CNTNAP4: variants seen among roughly 807,000 people sequenced by gnomAD.
CNTNAP4 encodes contactin associated protein family member 4.
A neutral mutation model predicts 148.4 loss-of-function variants in CNTNAP4; 98 were observed. That is an observed-to-expected ratio of 0.66 (90% confidence interval 0.56 to 0.78). The LOEUF (loss-of-function observed/expected upper bound fraction) is 0.78. Among genes scored for constraint, CNTNAP4 ranks in the 30% least tolerant of loss-of-function variants. The probability of loss-of-function intolerance (pLI) is 0.00; values close to 1 mark genes in which losing one functional copy is unlikely to be tolerated. For synonymous variants in CNTNAP4, 730 were observed against 565.1 expected (o/e 1.29, Z -4.14); for missense variants, 1,935 against 1,565.6 (o/e 1.24, Z -3.98).
intron 3 of CNTNAP4, among the ~76,000 whole-genome samples, chr16:76,379,010 G>C (rs12596399): frequency 6.6e-6 from 1 of 152,018 alleles, no homozygotes; most frequent in Non-Finnish European, 1.5e-5. Flanking sequence ...CTCAAAATGT[G>C]ATTGAGACTC....
chr16:76,448,681 G>A (rs1410852763), intron 5 of CNTNAP4, 86 bp from the exon 6 acceptor site: 2 of 970,804 alleles, frequency 2.1e-6, no homozygotes, highest in Non-Finnish European at 3.0e-6. Context: ...CAATTATTAT[G>A]AAAGATGGTG....
chr16:76,460,778 A>AAAAAAAAAAAC (rs2080928647), intron 8 of CNTNAP4, among the ~76,000 whole-genome samples: 1 of 77,246 alleles, frequency 1.3e-5, no homozygotes, highest in Non-Finnish European at 2.7e-5. Flanking sequence ...AAAAAAATAT[A>AAAAAAAAAAAC]TATATATATA....
chr16:76,462,668 C>T (rs2081021589), intron 9 of CNTNAP4, among the ~76,000 whole-genome samples: 1 of 152,150 alleles, frequency 6.6e-6, no homozygotes, highest in East Asian at 1.9e-4. Context: ...ATGAAGCATC[C>T]ACCCGCCCAG....
chr16:76,397,416 A>G (rs1335631929), intron 3 of CNTNAP4, among the ~76,000 whole-genome samples: 1 of 152,020 alleles, frequency 6.6e-6, no homozygotes, highest in African/African-American at 2.4e-5. Flanking sequence ...GGACAAGCAG[A>G]AACAGTAACC....
In CNTNAP4 at chr16:76,558,435, G is replaced by T. The variant is rs147753872; in HGVS notation, c.3734-55G>T. ...GATGACTTATTAAGCAATGAAGTCA[G>T]CACAGTTTCTATTTGGACAGAAATT... On this transcript the variant is annotated intron_variant, in intron 23 of 23. Coordinates refer to ENST00000611870, the MANE Select transcript of CNTNAP4 (RefSeq NM_033401.5). 2.4e-3 allele frequency: 2,449 copies of T among 1,008,038 alleles called. 61 individuals carry two copies. In the Admixed American group the frequency reaches 0.045, roughly 19 times the overall value. The allele number at this position is 1,008,038 out of a possible 1,614,324, so 62.4% of individuals were successfully genotyped here.
intron 2 of CNTNAP4, among the ~76,000 whole-genome samples, chr16:76,331,578 T>C (rs888371291): frequency 1.3e-5 from 2 of 152,142 alleles, no homozygotes; most frequent in African/African-American, 4.8e-5. Flanking sequence ...TATTTTGAAT[T>C]AATATTCCTT....
At chr16:76,306,847 C>T (rs150306661) in intron 1 of CNTNAP4, among the ~76,000 whole-genome samples, 26 of 152,252 alleles carry the variant, frequency 1.7e-4, no homozygotes, top group African/African-American at 6.3e-4. Flanking sequence ...ACATGAAGTT[C>T]TTGCAGTTCT....
intron 14 of CNTNAP4, among the ~76,000 whole-genome samples, chr16:76,496,352 C>G (rs2082403332): frequency 6.6e-6 from 1 of 152,096 alleles, no homozygotes; most frequent in East Asian, 1.9e-4. Flanking sequence ...CTCTCCAATG[C>G]CTCCATAACA....
At chr16:76,352,590 T>C (rs1262038698) in intron 2 of CNTNAP4, among the ~76,000 whole-genome samples, 1 of 152,196 alleles carries the variant, frequency 6.6e-6, no homozygotes, top group East Asian at 1.9e-4. Context: ...ATGCACCATC[T>C]ACTATGTAGA....
At chr16:76,481,975 T>A (rs1434674522) in intron 12 of CNTNAP4, among the ~76,000 whole-genome samples, 1 of 151,428 alleles carries the variant, frequency 6.6e-6, no homozygotes, top group Non-Finnish European at 1.5e-5. Flanking sequence ...TACTCTGAAA[T>A]GAGATGAGAA....
intron 1 of CNTNAP4, among the ~76,000 whole-genome samples, chr16:76,290,823 A>G (rs1289061618): frequency 6.6e-6 from 1 of 152,194 alleles, no homozygotes; most frequent in Non-Finnish European, 1.5e-5. Flanking sequence ...TAAACAATGT[A>G]CATTAATTTT....
At chr16:76,300,404 T>C (rs1226815519) in intron 1 of CNTNAP4, among the ~76,000 whole-genome samples, 1 of 151,646 alleles carries the variant, frequency 6.6e-6, no homozygotes, top group East Asian at 1.9e-4. Flanking sequence ...CCTGTCGGGG[T>C]TGGGGTCTAG....
At chr16:76,402,442 CTTT>C (rs1008423747) in intron 3 of CNTNAP4, among the ~76,000 whole-genome samples, 3 of 150,578 alleles carry the variant, frequency 2.0e-5, no homozygotes, top group African/African-American at 7.3e-5. Flanking sequence ...CTTTTTTCTT[CTTT>C]ATTAATCTAG....
intron 17 of CNTNAP4, among the ~76,000 whole-genome samples, chr16:76,528,978 A>C (rs1415353797): frequency 6.6e-6 from 1 of 152,242 alleles, no homozygotes; most frequent in Non-Finnish European, 1.5e-5. Flanking sequence ...TGTCATGCAA[A>C]GTAAAGGAAG....
chr16:76,312,223 G>A (rs1287317514), intron 1 of CNTNAP4, among the ~76,000 whole-genome samples: 1 of 152,150 alleles, frequency 6.6e-6, no homozygotes, highest in African/African-American at 2.4e-5. Context: ...AGCACCCCTG[G>A]ATTCAACCCA....
At chr16:76,534,237 A>T (rs1211329704) in intron 17 of CNTNAP4, among the ~76,000 whole-genome samples, 1 of 152,196 alleles carries the variant, frequency 6.6e-6, no homozygotes, top group Admixed American at 6.5e-5. Flanking sequence ...TATAACACAG[A>T]AATTATTTGT....
intron 3 of CNTNAP4, among the ~76,000 whole-genome samples, chr16:76,403,393 G>A (rs563581314): frequency 5.3e-5 from 8 of 152,162 alleles, no homozygotes; most frequent in Admixed American, 3.3e-4. Flanking sequence ...GCGCCCAGCC[G>A]TGAACACTTT....
intron 20 of CNTNAP4, among the ~76,000 whole-genome samples, chr16:76,540,433 G>T (rs1176171151): frequency 6.6e-6 from 1 of 151,852 alleles, no homozygotes; most frequent in Non-Finnish European, 1.5e-5. Flanking sequence ...AAAATAAAAT[G>T]ATACAAGGGG....
chr16:76,334,148 T>TCACAA (rs1346663319), intron 2 of CNTNAP4, among the ~76,000 whole-genome samples: 118 of 151,168 alleles, frequency 7.8e-4, no homozygotes, highest in African/African-American at 2.7e-3. Context: ...AACCTGCACG[T>TCACAA]TGTGCACATG....
Sources: allele counts gnomAD v4.1 joint callset (sites outside exome capture counted in the v4.1 genomes callset), GRCh38; gene constraint gnomAD v4.1.1; transcripts MANE v1.5; gene names NCBI Gene and HGNC (gene_info 2026-07-23, HGNC 2026-07-21).